The following NAT10 variants were observed in gnomAD, a reference collection of about 807,000 sequenced individuals.
NAT10 encodes RNA cytidine acetyltransferase.
A neutral mutation model predicts 132.2 loss-of-function variants in NAT10; 109 were observed. That is an observed-to-expected ratio of 0.82 (90% CI 0.71 to 0.97). NAT10 has a LOEUF of 0.97. Among genes scored for constraint, NAT10 ranks in the 50% least tolerant of loss-of-function variants. The probability of loss-of-function intolerance (pLI) is 0.00; values close to 1 mark genes in which losing one functional copy is unlikely to be tolerated. For missense variants in NAT10, 1,184 were observed against 1,263.4 expected (o/e 0.94, Z 0.95); for synonymous variants, 479 against 478.0 (o/e 1.00, Z -0.03).
chr11:34,139,311 G>A, intron 22 of NAT10, 24 bp downstream of exon 22: 1 of 1,613,536 alleles, frequency 6.2e-7, no homozygotes, highest in East Asian at 2.2e-5. Flanking sequence ...AGGGGTTTGG[G>A]GGAGACAATG....
intron 24 of NAT10, 92 bp from the exon 25 acceptor site, chr11:34,140,997 C>A: frequency 6.5e-7 from 1 of 1,546,172 alleles, no homozygotes; most frequent in Non-Finnish European, 8.9e-7. Flanking sequence ...GTACCAATAG[C>A]TTTGGTCAAG....
intron 8 of NAT10, among the ~76,000 whole-genome samples, chr11:34,120,107 T>C: frequency 6.6e-6 from 1 of 150,706 alleles, no homozygotes; most frequent in Non-Finnish European, 1.5e-5. Context: ...TAATTATTGG[T>C]CATCTGTTGT....
At chr11:34,137,060 G>A in intron 21 of NAT10, 34 bp downstream of exon 21, 2 of 1,612,982 alleles carry the variant, frequency 1.2e-6, no homozygotes, top group Non-Finnish European at 1.7e-6. Flanking sequence ...AGAAGTTTAG[G>A]TTTACCGTTA....
At chr11:34,142,655 G>T (rs752265992) in intron 27 of NAT10, among the ~76,000 whole-genome samples, 4 of 152,134 alleles carry the variant, frequency 2.6e-5, no homozygotes, top group Non-Finnish European at 5.9e-5. Flanking sequence ...GCCCTTTAAT[G>T]GTTACTTACT....
chr11:34,121,012 C>G (rs2132948833), intron 8 of NAT10, among the ~76,000 whole-genome samples: 1 of 152,208 alleles, frequency 6.6e-6, no homozygotes, highest in South Asian at 2.1e-4. Context: ...GTGTCCTAGG[C>G]CTGGCAGGGA....
intron 21 of NAT10, among the ~76,000 whole-genome samples, chr11:34,138,010 C>T (rs567315012): frequency 6.6e-6 from 1 of 152,296 alleles, no homozygotes; most frequent in East Asian, 1.9e-4. Flanking sequence ...GAACAGGCGA[C>T]TCTTTCAGGA....
chr11:34,141,236 G>C (rs1852322913), intron 25 of NAT10, 28 bp downstream of exon 25: 2 of 1,613,358 alleles, frequency 1.2e-6, no homozygotes, highest in Non-Finnish European at 1.7e-6. Context: ...GCAGGGGCTT[G>C]ATGTCTCTCA....
chr11:34,119,849 C>G (rs1851856755), intron 8 of NAT10, among the ~76,000 whole-genome samples: 1 of 152,208 alleles, frequency 6.6e-6, no homozygotes, highest in East Asian at 1.9e-4. Context: ...ACAGATAAGT[C>G]TGTGGGCACT....
chr11:34,128,737 G>A (rs1028479191), intron 12 of NAT10, among the ~76,000 whole-genome samples: 1 of 152,104 alleles, frequency 6.6e-6, no homozygotes, highest in Non-Finnish European at 1.5e-5. Flanking sequence ...TAATTTAATG[G>A]TTTTTAGTAT....
In NAT10 at chr11:34,123,757, T is replaced by G. The variant is rs747983131; in HGVS notation, c.915-5T>G. The stretch of plus-strand genomic sequence containing the variant: ...TAAAAATCCTTCTTTTATTTTGTTC[T>G]GTAGGTACTCCAATATCTTTGTTAC... On this transcript the variant is annotated splice_polypyrimidine_tract_variant and splice_region_variant and intron_variant, in intron 9 of 28. Transcript: ENST00000257829. 1 of 1,563,492 alleles carries G rather than the reference T, an allele frequency of 6.4e-7. No homozygotes were observed. Among genetic ancestry groups the G allele is most frequent in the Non-Finnish European group, 8.8e-7 (1 of 1,134,704 alleles).
At position 34,131,875 on chromosome 11, in the gene NAT10, A is replaced by G. The variant is rs1590775180; in HGVS notation, c.1521-250A>G. On this transcript the variant is annotated intron_variant, in intron 14 of 28. Transcript: ENST00000257829. The stretch of plus-strand genomic sequence containing the variant: ...TAATTTTTGTATTTTTAGTAGAGAC[A>G]GGGTTTCACCATGTTGGTCAGGCTG... Among the ~76,000 whole-genome samples the G allele has an allele frequency of 2.6e-5, 4 of 151,748 alleles. No individual in the cohort carries two copies. In the South Asian group the frequency reaches 8.3e-4, roughly 32 times the overall value.
At chr11:34,136,031 G>T (rs1385716119) in intron 19 of NAT10, among the ~76,000 whole-genome samples, 1 of 151,678 alleles carries the variant, frequency 6.6e-6, no homozygotes, top group Non-Finnish European at 1.5e-5. Context: ...ATAGAACCTG[G>T]ACTTCATGCT....
At position 34,134,169 on chromosome 11, in the gene NAT10, A is replaced by G. The variant is rs1161728365; in HGVS notation, c.1735-150A>G. 15 of 666,676 alleles carry G rather than the reference A, an allele frequency of 2.2e-5. No homozygotes were observed. In the Admixed American group the frequency reaches 3.2e-4, roughly 14 times the overall value. 41.3% of individuals were successfully genotyped at this position (666,676 alleles called of 1,614,324 possible). ...ACAGAGTGAGACTCCATCTCAAAAG[A>G]GCGGGGGGAATGGATGTGTCAGTGT... On this transcript the variant is annotated intron_variant, in intron 16 of 28. Transcript: ENST00000257829.
chr11:34,112,590 G>A (rs1341286826), intron 4 of NAT10, among the ~76,000 whole-genome samples: 3 of 152,220 alleles, frequency 2.0e-5, no homozygotes, highest in African/African-American at 7.2e-5. Context: ...AATGGGACTT[G>A]TTTTCCAACC....
chr11:34,111,975 G>C (rs1318361268), intron 3 of NAT10, 77 bp from the exon 4 acceptor site: 1 of 1,547,460 alleles, frequency 6.5e-7, no homozygotes, highest in East Asian at 2.3e-5. Context: ...GGTGATCACT[G>C]AGCCTTTCCC....
At chr11:34,127,788 C>G (rs1441977195) in intron 12 of NAT10, among the ~76,000 whole-genome samples, 189 bp downstream of exon 12, 1 of 152,172 alleles carries the variant, frequency 6.6e-6, no homozygotes, top group East Asian at 1.9e-4. Context: ...TGTTACACGT[C>G]TCTGGCCCGA....
At chr11:34,113,942 G>T (rs1298422779) in intron 5 of NAT10, 104 bp downstream of exon 5, 1 of 1,382,690 alleles carries the variant, frequency 7.2e-7, no homozygotes, top group South Asian at 1.4e-5. Context: ...CCAGTGAGTA[G>T]TCAGCACAGC....
At position 34,146,107 on chromosome 11, in the gene NAT10, C is replaced by T. The variant is rs1459459084; in HGVS notation, c.2993C>T (p.Ala998Val). The T allele has an allele frequency of 3.7e-6, 6 of 1,607,310 alleles. No individual in the cohort carries two copies. The African/African-American group carries it at 5.4e-5, about 14-fold the overall frequency. The change falls in exon 29 of 29, where the codon GCC becomes GTC. Residue 998 changes from alanine (A) to valine (V), a missense_variant. Physicochemically the swap from Ala to Val is moderately conservative, Grantham distance 64. Coordinates refer to ENST00000257829, the MANE Select transcript of NAT10 (RefSeq NM_024662.3). ...LKSDKKRKLE[A>V]KQEPKQSKKL... ...AGTGACAAGAAAAGGAAGTTAGAGG[C>T]CAAACAAGAACCCAAACAGAGCAAG...
chr11:34,143,551 G>A, intron 28 of NAT10, 23 bp downstream of exon 28: 1 of 1,606,506 alleles, frequency 6.2e-7, no homozygotes, highest in Non-Finnish European at 8.5e-7. Flanking sequence ...GGTCTGATGT[G>A]CATCTGGCGG....
Sources: allele counts gnomAD v4.1 joint callset (sites outside exome capture counted in the v4.1 genomes callset), GRCh38; gene constraint gnomAD v4.1.1; transcripts MANE v1.5; gene names NCBI Gene and HGNC (gene_info 2026-07-23, HGNC 2026-07-21).